The following ALB variants were observed in gnomAD, a reference collection of about 807,000 sequenced individuals.
ALB encodes the protein albumin, also known as serum albumin.
A neutral mutation model predicts 74.5 loss-of-function variants in ALB; 37 were observed. The observed-to-expected ratio is 0.50, with a 90% confidence interval of 0.38 to 0.65. The LOEUF is 0.65. Among genes scored for constraint, ALB ranks in the 30% least tolerant of loss-of-function variants. ALB has a pLI of 0.00. For synonymous variants in ALB, 249 were observed against 251.6 expected (o/e 0.99, Z 0.10); for missense variants, 685 against 718.7 (o/e 0.95, Z 0.54).
At position 73,418,079 on chromosome 4, in the gene ALB, G is replaced by T. The variant is rs373682659; in HGVS notation, c.1429-9G>T. The T allele has an allele frequency of 1.6e-4, 257 of 1,613,442 alleles. No homozygotes were observed. Among genetic ancestry groups the T allele is most frequent in the Non-Finnish European group, 2.1e-4 (248 of 1,179,618 alleles). On this transcript the variant is annotated splice_polypyrimidine_tract_variant and intron_variant, in intron 11 of 14. Transcript: ENST00000295897. ...CTTTTGAATTTCTGCTCTCCTGCCTGTTCTTTAGCTATCCGTGGTCCTGAA... is the reference window on the plus strand; with the variant it reads ...CTTTTGAATTTCTGCTCTCCTGCCTTTTCTTTAGCTATCCGTGGTCCTGAA...
In ALB at chr4:73,413,955, A is replaced by G. The variant is rs56092920; in HGVS notation, c.1058+321A>G. Reference sequence around the variant, plus strand: ...TTCCAAGTGTATTTCTTGAACATCTATAATATATGTGTGTGACTATGTATT... The same window carrying G: ...TTCCAAGTGTATTTCTTGAACATCTGTAATATATGTGTGTGACTATGTATT... On this transcript the variant is annotated intron_variant, in intron 8 of 14. Transcript: ENST00000295897. Among the ~76,000 whole-genome samples, 672 of 152,310 alleles carry G rather than the reference A, an allele frequency of 4.4e-3. 3 individuals are homozygous for G. Among genetic ancestry groups the G allele is most frequent in the African/African-American group, 0.013 (525 of 41,552 alleles).
At chr4:73,404,795 A>T (rs1313553689) in intron 1 of ALB, 2 of 351,390 alleles carry the variant, frequency 5.7e-6, no homozygotes, top group African/African-American at 4.3e-5. Flanking sequence ...ACTTGTATTT[A>T]TATTTATTTT....
intron 4 of ALB, 140 bp from the exon 5 acceptor site, chr4:73,409,215 A>C (rs762808469): frequency 1.1e-6 from 1 of 870,584 alleles, no homozygotes; most frequent in Non-Finnish European, 1.8e-6. Context: ...CAGAGACAAG[A>C]CCATCATGTG....
chr4:73,419,374 A>G, intron 12 of ALB, 133 bp from the exon 13 acceptor site: 1 of 956,352 alleles, frequency 1.0e-6, no homozygotes, highest in South Asian at 1.7e-5. Flanking sequence ...CTGAGCCCCA[A>G]AGTACTCAGA....
intron 10 of ALB, 80 bp downstream of exon 10, chr4:73,416,433 A>G: frequency 4.0e-6 from 4 of 997,890 alleles, no homozygotes. Flanking sequence ...CTAGCATAGA[A>G]CTTTTAAGAA....
chr4:73,415,056 A>G lies in ALB; in HGVS notation c.1080A>G (p.Arg360=), dbSNP rs773094530. ...FLGMFLYEYA[R]RHPDYSVVLL... ...TTAGGTTTTTGTATGAATATGCAAG[A>G]AGGCATCCTGATTACTCTGTCGTGC... The change falls in exon 9 of 15, where the codon AGA becomes AGG. Residue 360 remains arginine (R), a synonymous_variant. Transcript: ENST00000295897. The G allele has an allele frequency of 9.3e-6, 15 of 1,614,040 alleles. No individual in the cohort carries two copies. Among genetic ancestry groups the G allele is most frequent in the Non-Finnish European group, 5.1e-6 (6 of 1,180,006 alleles).
In ALB at chr4:73,413,457, C is replaced by G. The variant is rs774294755; in HGVS notation, c.881C>G (p.Ser294Trp). The change falls in exon 8 of 15, where the codon TCG becomes TGG. Residue 294 changes from serine to tryptophan, a missense_variant. Physicochemically the swap from Ser to Trp is radical, Grantham distance 177. Coordinates refer to ENST00000295897, the MANE Select transcript of ALB (RefSeq NM_000477.7). ...LAKYICENQD[S>W]ISSKLKECCE... The stretch of plus-strand genomic sequence containing the variant: ...AAGTATATCTGTGAAAATCAAGATT[C>G]GATCTCCAGTAAACTGAAGGAATGC... The G allele has an allele frequency of 1.2e-6, 2 of 1,613,988 alleles. No individual in the cohort carries two copies. Among genetic ancestry groups the G allele is most frequent in the African/African-American group, 2.7e-5 (2 of 74,914 alleles).
intron 7 of ALB, among the ~76,000 whole-genome samples, chr4:73,412,489 A>G (rs55846325): frequency 0.029 from 4,472 of 152,174 alleles, 73 homozygotes; most frequent in South Asian, 0.049. Flanking sequence ...CTTGTTTCCC[A>G]GGCTGGGGTG....
chr4:73,415,293 A>G, intron 9 of ALB, 126 bp downstream of exon 9: 1 of 1,201,308 alleles, frequency 8.3e-7, no homozygotes, highest in Non-Finnish European at 1.2e-6. Context: ...GATGGTTTCA[A>G]TTCTGGAATC....
At chr4:73,415,316 G>GA (rs1287628678) in intron 9 of ALB, 149 bp downstream of exon 9, 4 of 958,798 alleles carry the variant, frequency 4.2e-6, no homozygotes, top group South Asian at 1.5e-5. Context: ...AAACATGAAA[G>GA]AAAAAGTAGC....
At chr4:73,420,662 G>T (rs984883971) in intron 14 of ALB, 12 of 278,134 alleles carry the variant, frequency 4.3e-5, no homozygotes, top group African/African-American at 2.4e-4. Context: ...AGTAAGTGAT[G>T]GCTCAGCAGT....
rs182928711 is a variant in ALB, at chr4:73,414,590, G to A, written c.1059-445G>A. On this transcript the variant is annotated intron_variant, in intron 8 of 14. Transcript: ENST00000295897. ...GCGATTCTCCTGCCTCAGCCTCCTG[G>A]GATTACAGGCATGCACCACCATGCC... 2.8e-3 allele frequency among the ~76,000 whole-genome samples: 427 copies of A among 152,098 alleles called. 9 individuals carry two copies. Among genetic ancestry groups the A allele is most frequent in the Admixed American group, 0.024 (360 of 15,280 alleles).
At chr4:73,416,426 G>C in intron 10 of ALB, 73 bp downstream of exon 10, 2 of 1,071,060 alleles carry the variant, frequency 1.9e-6, no homozygotes, top group East Asian at 5.2e-5. Context: ...GAGCCACCTA[G>C]CATAGAACTT....
chr4:73,414,985 T>C (rs1416421607), intron 8 of ALB, 50 bp from the exon 9 acceptor site: 4 of 1,602,330 alleles, frequency 2.5e-6, no homozygotes, highest in Non-Finnish European at 3.4e-6. Flanking sequence ...TTGTGATATT[T>C]TTTGTGCTCA....
In ALB at chr4:73,413,224, A is replaced by G. The variant is rs1718923353; in HGVS notation, c.844-196A>G. 4 of 613,504 alleles carry G rather than the reference A, an allele frequency of 6.5e-6. No homozygotes were observed. The East Asian group carries it at 8.5e-5, about 13-fold the overall frequency. The allele number at this position is 613,504 out of a possible 1,614,324, so 38.0% of individuals were successfully genotyped here. On this transcript the variant is annotated intron_variant, in intron 7 of 14. Transcript: ENST00000295897. ...CTGAGCACCTGCTACTGATTAGTCT[A>G]TTTTAATTAAGTGGGAATGTTTTTG...
At chr4:73,407,769 G>A (rs1718769349) in intron 3 of ALB, among the ~76,000 whole-genome samples, 1 of 152,084 alleles carries the variant, frequency 6.6e-6, no homozygotes, top group South Asian at 2.1e-4. Context: ...TAAACTTTTA[G>A]TATTTCCAGA....
chr4:73,414,753 C>T (rs993768386), intron 8 of ALB, among the ~76,000 whole-genome samples: 2 of 152,166 alleles, frequency 1.3e-5, no homozygotes, highest in Non-Finnish European at 2.9e-5. Flanking sequence ...CTGTGCCCAG[C>T]CGACAGATAC....
Position 73,409,164 on chromosome 4 carries a change from C to G in ALB, c.483-191C>G, listed in dbSNP as rs911115365. 6 of 672,098 alleles carry G rather than the reference C, an allele frequency of 8.9e-6. No individual in the cohort carries two copies. In the African/African-American group the frequency reaches 9.1e-5, roughly 10 times the overall value. The allele number at this position is 672,098 out of a possible 1,614,324, so 41.6% of individuals were successfully genotyped here. A position where few individuals can be genotyped will look rare whatever the true frequency, so the allele number is the denominator to read the frequency against. On this transcript the variant is annotated intron_variant, in intron 4 of 14. Transcript: ENST00000295897. ...CCATTTATGCACACACACACACACA[C>G]ACACACACTTAACCCTTTTTTCCAC...
At position 73,416,275 on chromosome 4, in the gene ALB, T is replaced by C. The variant is rs1228850469; in HGVS notation, c.1211T>C (p.Leu404Pro). 2.5e-6 allele frequency: 4 copies of C among 1,613,382 alleles called. No individual in the cohort carries two copies. Among genetic ancestry groups the C allele is most frequent in the African/African-American group, 1.3e-5 (1 of 74,908 alleles). Reference sequence around the variant, plus strand: ...TTTCAGTTCGATGAATTTAAACCTCTTGTGGAAGAGCCTCAGAATTTAATC... The same window carrying C: ...TTTCAGTTCGATGAATTTAAACCTCCTGTGGAAGAGCCTCAGAATTTAATC... ...YAKVFDEFKP[L>P]VEEPQNLIKQ... The change falls in exon 10 of 15, where the codon CTT becomes CCT. Residue 404 changes from leucine (L) to proline (P), a missense_variant. Transcript: ENST00000295897.
Sources: allele counts gnomAD v4.1 joint callset (sites outside exome capture counted in the v4.1 genomes callset), GRCh38; gene constraint gnomAD v4.1.1; transcripts MANE v1.5; gene names NCBI Gene and HGNC (gene_info 2026-07-23, HGNC 2026-07-21).